Variants in PLCH1 observed in about 807,000 individuals in gnomAD.
PLCH1 encodes the protein phospholipase C eta 1.
In PLCH1, 60 loss-of-function variants were observed where a neutral mutation model predicts 126.7. The ratio of observed to expected loss-of-function variants is 0.47; its 90% CI spans 0.38 to 0.59. The LOEUF is 0.59. Among genes scored for constraint, PLCH1 ranks in the 20% least tolerant of loss-of-function variants. PLCH1 has a pLI of 0.00. For synonymous variants in PLCH1, 719 were observed against 734.9 expected (o/e 0.98, Z 0.35); for missense variants, 1,723 against 2,040.0 (o/e 0.84, Z 2.99).
chr3:155,711,187 G>A (rs547227236), intron 1 of PLCH1, among the ~76,000 whole-genome samples: 43 of 152,236 alleles, frequency 2.8e-4, no homozygotes, highest in African/African-American at 9.9e-4. Flanking sequence ...CCATGTAAGT[G>A]TGTAGAGGAC....
chr3:155,608,333 A>G (rs1428766284), intron 2 of PLCH1, among the ~76,000 whole-genome samples: 2 of 152,160 alleles, frequency 1.3e-5, no homozygotes, highest in African/African-American at 4.8e-5. Context: ...ATCTGGAGGG[A>G]CAAACAGAAA....
chr3:155,726,305 G>C (rs888446821), intron 1 of PLCH1, among the ~76,000 whole-genome samples: 1 of 152,116 alleles, frequency 6.6e-6, no homozygotes, highest in Admixed American at 6.6e-5. Flanking sequence ...CATCTGAAAG[G>C]CCTTTATTGT....
chr3:155,699,170 G>C (rs901715503), intron 2 of PLCH1, among the ~76,000 whole-genome samples: 2 of 151,592 alleles, frequency 1.3e-5, no homozygotes, highest in African/African-American at 4.9e-5. Flanking sequence ...CCACCTCCCA[G>C]GTTCAAACGA....
chr3:155,616,528 GT>G (rs533670399), intron 2 of PLCH1, among the ~76,000 whole-genome samples: 271 of 152,160 alleles, frequency 1.8e-3, no homozygotes, highest in African/African-American at 6.4e-3. Flanking sequence ...GTTATAAAAG[GT>G]TTATTAAAGT....
chr3:155,488,093 AG>A lies in PLCH1; in HGVS notation c.2553del (p.Tyr852IlefsTer5). On this transcript the variant is annotated frameshift_variant, in exon 21 of 23. Transcript: ENST00000460012. LOFTEE classifies it high-confidence loss of function. ...FSSLVPGYRH[V>X]YLEGLTEASI... is the part of the protein sequence containing the mutation. ...GATGCTTCTGTCAGTCCTTCCAAAT[AG>A]ACATGCCGGTAGCCTGATAAAAGGA... 1 of 1,606,590 alleles carries A rather than the reference AG, an allele frequency of 6.2e-7. No homozygotes were observed. Among genetic ancestry groups the A allele is most frequent in the Non-Finnish European group, 8.5e-7 (1 of 1,173,030 alleles).
intron 4 of PLCH1, among the ~76,000 whole-genome samples, chr3:155,590,071 T>C (rs1192017542): frequency 6.6e-6 from 1 of 152,200 alleles, no homozygotes; most frequent in Non-Finnish European, 1.5e-5. Flanking sequence ...TACTGCATCA[T>C]GGCCATCACT....
At chr3:155,464,260 G>A (rs1712846428) in intron 21 of PLCH1, among the ~76,000 whole-genome samples, 1 of 152,174 alleles carries the variant, frequency 6.6e-6, no homozygotes, top group Non-Finnish European at 1.5e-5. Context: ...GGCAGAGGAA[G>A]CCAGGCTGCA....
chr3:155,539,826 AT>A (rs1436293211), intron 10 of PLCH1, among the ~76,000 whole-genome samples: 1 of 152,172 alleles, frequency 6.6e-6, no homozygotes, highest in Non-Finnish European at 1.5e-5. Flanking sequence ...AAAGCAATCT[AT>A]AAATTCTATG....
At chr3:155,582,075 CTTTTTTTT>C (rs869254665) in intron 6 of PLCH1, among the ~76,000 whole-genome samples, 1 of 64,124 alleles carries the variant, frequency 1.6e-5, no homozygotes, top group Non-Finnish European at 2.7e-5. Context: ...TCTTTTCTTT[CTTTTTTTT>C]TTTTTTTTTT....
At chr3:155,602,423 C>A (rs868572198) in intron 2 of PLCH1, among the ~76,000 whole-genome samples, 2 of 152,088 alleles carry the variant, frequency 1.3e-5, no homozygotes, top group Admixed American at 6.5e-5. Context: ...ATACTTAAAT[C>A]AGTAAGAGTA....
At chr3:155,551,645 G>T (rs2108457151) in intron 9 of PLCH1, among the ~76,000 whole-genome samples, 1 of 128,312 alleles carries the variant, frequency 7.8e-6, no homozygotes, top group South Asian at 2.6e-4. Context: ...AGCTGAGGAT[G>T]TTGCTTTCCA....
rs1217932003 is a variant in PLCH1, at chr3:155,699,185, C to G, written c.79+4961G>C. On this transcript the variant is annotated intron_variant, in intron 2 of 22. Coordinates refer to ENST00000460012, the MANE Select transcript of PLCH1 (RefSeq NM_014996.4). ...CCACCTCCCAGGTTCAAACGACTCT[C>G]TTGCCTCAGCCTCCCAAGTAGCTGG... 3.9e-5 allele frequency among the ~76,000 whole-genome samples: 6 copies of G among 152,062 alleles called. No individual in the cohort carries two copies. The South Asian group carries it at 1.2e-3, about 32-fold the overall frequency.
rs1726511104 is a variant in PLCH1, at chr3:155,554,185, C to T, written c.1081G>A (p.Asp361Asn). 6.2e-7 allele frequency: 1 copy of T among 1,612,940 alleles called. No individual in the cohort carries two copies. Among genetic ancestry groups the T allele is most frequent in the Non-Finnish European group, 8.5e-7 (1 of 1,179,564 alleles). The change falls in exon 9 of 23, where the codon GAT becomes AAT. Residue 361 changes from aspartate to asparagine, a missense_variant. Physicochemically the swap from Asp to Asn is conservative, Grantham distance 23. This residue lies in a region of PLCH1 where 776 missense variants were observed against 1,062.9 expected (regional missense o/e 0.73). Transcript: ENST00000460012. ...GCRCVEVDCWDGPDGEPVVHH... is the reference protein window; with the variant it reads ...GCRCVEVDCWNGPDGEPVVHH... ...ACTACTGGCTCTCCATCTGGGCCAT[C>T]CCAACAGTCAACTGCCAAAAACAGA...
At chr3:155,626,806 A>T (rs1737357455) in intron 2 of PLCH1, among the ~76,000 whole-genome samples, 1 of 150,454 alleles carries the variant, frequency 6.6e-6, no homozygotes. Flanking sequence ...AAAAGGAAAA[A>T]GATGATAAGT....
chr3:155,676,907 G>A (rs1026703005), intron 2 of PLCH1, among the ~76,000 whole-genome samples: 2 of 152,050 alleles, frequency 1.3e-5, no homozygotes, highest in Non-Finnish European at 2.9e-5. Flanking sequence ...AAAAAAGTCA[G>A]TTTTTAGTGA....
chr3:155,738,206 G>A (rs1311866061), intron 1 of PLCH1, among the ~76,000 whole-genome samples: 1 of 152,186 alleles, frequency 6.6e-6, no homozygotes, highest in African/African-American at 2.4e-5. Context: ...TGGTGTCTGA[G>A]GCAGAGGCTG....
chr3:155,671,774 A>T (rs1743478379), intron 2 of PLCH1, among the ~76,000 whole-genome samples: 1 of 152,304 alleles, frequency 6.6e-6, no homozygotes, highest in South Asian at 2.1e-4. Flanking sequence ...CATAGAAGAA[A>T]ATCAATAATT....
In PLCH1 at chr3:155,572,558, G is replaced by C. The variant is rs553482490; in HGVS notation, c.772-4234C>G. 1.9e-4 allele frequency among the ~76,000 whole-genome samples: 29 copies of C among 152,208 alleles called. 1 individual carries two copies. The highest frequency in any genetic ancestry group is 3.5e-4 in the Non-Finnish European group (24 of 67,996). ...GGTTGGCCCTCGTTTGGGTTTGTCA[G>C]TCTAGAGAATCTTACCTTTCCATGC... On this transcript the variant is annotated intron_variant, in intron 6 of 22. Transcript: ENST00000460012.
At chr3:155,503,537 CTT>C (rs57141788) in intron 13 of PLCH1, among the ~76,000 whole-genome samples, 27 of 144,418 alleles carry the variant, frequency 1.9e-4, no homozygotes, top group Admixed American at 1.3e-3. Context: ...TTACTTCTGT[CTT>C]TTTTTTTTTT....
Sources: gnomAD v4.1 joint callset for allele counts (sites outside exome capture counted in the v4.1 genomes callset) on GRCh38, gnomAD v4.1.1 for gene constraint, gnomAD v4.1.1 regional missense constraint, MANE v1.5 for transcripts, NCBI Gene and HGNC (gene_info 2026-07-23, HGNC 2026-07-21) for gene names.